The following PRR16 variants were observed in gnomAD, a reference collection of about 807,000 sequenced individuals.
The protein encoded by PRR16 is proline rich 16.
PRR16 carries 6 observed loss-of-function variants against 18.2 expected under a neutral mutation model. The ratio of observed to expected loss-of-function variants is 0.33; its 90% CI spans 0.18 to 0.65. PRR16 has a LOEUF of 0.65. PRR16 is among the 30% of genes least tolerant of loss of function. PRR16 has a pLI of 0.74. For synonymous variants in PRR16, 151 were observed against 147.8 expected (o/e 1.02, Z -0.16); for missense variants, 412 against 376.6 (o/e 1.09, Z -0.78).
chr5:120,785,410 T>C, the PRR16 span, among the ~76,000 whole-genome samples: 1 of 152,082 alleles, frequency 6.6e-6, no homozygotes, highest in Non-Finnish European at 1.5e-5. Context: ...TGACGCCTTA[T>C]TTCAGTGGGA....
intron 1 of PRR16, among the ~76,000 whole-genome samples, chr5:120,610,390 T>C (rs116817842): frequency 0.02 from 3,067 of 150,916 alleles, 109 homozygotes; most frequent in African/African-American, 0.07. Context: ...TAAATATTTA[T>C]TTAAAATAAA....
chr5:120,702,651 G>T, the PRR16 span, among the ~76,000 whole-genome samples: 1 of 152,150 alleles, frequency 6.6e-6, no homozygotes, highest in Non-Finnish European at 1.5e-5. Context: ...CGTGACCGGC[G>T]CCGGAGTTTT....
At chr5:120,793,995 C>T in the PRR16 span, among the ~76,000 whole-genome samples, 124 of 152,132 alleles carry the variant, frequency 8.2e-4, no homozygotes, top group African/African-American at 2.7e-3. Flanking sequence ...GTATAATATA[C>T]GTGGTTCCTT....
intron 1 of PRR16, among the ~76,000 whole-genome samples, chr5:120,534,225 A>G (rs971358811): frequency 6.6e-6 from 1 of 152,218 alleles, no homozygotes; most frequent in Admixed American, 6.5e-5. Flanking sequence ...AACTAATGAG[A>G]TCACTAAGAG....
chr5:120,529,025 T>A (rs1228128778), intron 1 of PRR16, among the ~76,000 whole-genome samples: 1 of 152,186 alleles, frequency 6.6e-6, no homozygotes, highest in Non-Finnish European at 1.5e-5. Flanking sequence ...TCATTTTTTT[T>A]ATGATTCAAT....
chr5:120,692,039 T>G (rs1580887029), downstream of PRR16, among the ~76,000 whole-genome samples: 1 of 152,142 alleles, frequency 6.6e-6, no homozygotes. Flanking sequence ...CAGTAAGTGG[T>G]CAAGTGGAAT....
At chr5:120,588,200 C>T (rs952969172) in intron 1 of PRR16, among the ~76,000 whole-genome samples, 51 of 152,186 alleles carry the variant, frequency 3.4e-4, no homozygotes, top group Non-Finnish European at 5.9e-5. Context: ...ATATCTACTT[C>T]TGGTGAAAAT....
intron 1 of PRR16, among the ~76,000 whole-genome samples, chr5:120,598,407 G>A (rs1460969576): frequency 1.3e-5 from 2 of 151,856 alleles, no homozygotes; most frequent in Non-Finnish European, 2.9e-5. Context: ...GCAAAAGGAT[G>A]TGAATGTGTA....
the PRR16 span, among the ~76,000 whole-genome samples, chr5:120,777,928 C>CCAAA: frequency 4.6e-5 from 7 of 152,164 alleles, no homozygotes; most frequent in Middle Eastern, 3.4e-3. Flanking sequence ...ACATTGAGAA[C>CCAAA]CAAACACTGA....
chr5:120,654,921 A>C (rs1755915284), intron 1 of PRR16, among the ~76,000 whole-genome samples: 1 of 151,882 alleles, frequency 6.6e-6, no homozygotes, highest in African/African-American at 2.4e-5. Context: ...AGAAAGAGAG[A>C]GGGAAGGATT....
At chr5:120,709,334 C>A in the PRR16 span, among the ~76,000 whole-genome samples, 2 of 152,022 alleles carry the variant, frequency 1.3e-5, no homozygotes, top group Non-Finnish European at 2.9e-5. Flanking sequence ...TTTTATTTTA[C>A]TTTGTTATTT....
chr5:120,515,147 C>T (rs894193175), intron 1 of PRR16, among the ~76,000 whole-genome samples: 1 of 152,106 alleles, frequency 6.6e-6, no homozygotes, highest in African/African-American at 2.4e-5. Flanking sequence ...TCATAATATC[C>T]CAGAGGCATT....
intron 1 of PRR16, among the ~76,000 whole-genome samples, chr5:120,522,207 A>G (rs1751206291): frequency 6.6e-6 from 1 of 152,224 alleles, no homozygotes; most frequent in African/African-American, 2.4e-5. Flanking sequence ...TGGCTGAGTC[A>G]AATGGTATTT....
the PRR16 span, among the ~76,000 whole-genome samples, chr5:120,792,743 G>C: frequency 2.6e-5 from 4 of 152,048 alleles, no homozygotes; most frequent in African/African-American, 9.7e-5. Context: ...GAACAAAAGG[G>C]TAAGAAAAAA....
intron 1 of PRR16, among the ~76,000 whole-genome samples, chr5:120,641,332 G>C (rs1755416056): frequency 6.6e-6 from 1 of 152,096 alleles, no homozygotes; most frequent in Admixed American, 6.6e-5. Flanking sequence ...CATTAATGAG[G>C]GAGGCAGACA....
intron 1 of PRR16, among the ~76,000 whole-genome samples, chr5:120,656,087 A>G (rs995793829): frequency 2.0e-5 from 3 of 151,476 alleles, no homozygotes. Context: ...AGAATTCCAA[A>G]CCCCCTAACT....
downstream of PRR16, among the ~76,000 whole-genome samples, chr5:120,689,639 A>C (rs1282523957): frequency 1.3e-5 from 2 of 152,214 alleles, no homozygotes; most frequent in Non-Finnish European, 2.9e-5. Flanking sequence ...CACAAAATGT[A>C]AAATGGTAAT....
At chr5:120,535,515 A>G (rs933167424) in intron 1 of PRR16, among the ~76,000 whole-genome samples, 5 of 152,180 alleles carry the variant, frequency 3.3e-5, no homozygotes, top group Admixed American at 2.6e-4. Context: ...AGAAATTAAC[A>G]CTTCCTGGGT....
chr5:120,625,286 A>G (rs1323631406), intron 1 of PRR16, among the ~76,000 whole-genome samples: 2 of 152,092 alleles, frequency 1.3e-5, no homozygotes, highest in Non-Finnish European at 2.9e-5. Flanking sequence ...TTTCTTCCCC[A>G]CCAATGACTG....
Sources: gnomAD v4.1 joint callset for allele counts (sites outside exome capture counted in the v4.1 genomes callset) on GRCh38, gnomAD v4.1.1 for gene constraint, MANE v1.5 for transcripts, NCBI Gene and HGNC (gene_info 2026-07-23, HGNC 2026-07-21) for gene names.